Variants in DZIP3 observed in about 807,000 individuals in gnomAD.
DZIP3 encodes E3 ubiquitin-protein ligase DZIP3.
In DZIP3, 118 loss-of-function variants were observed where a neutral mutation model predicts 162.0. The observed-to-expected ratio is 0.73, with a 90% CI of 0.63 to 0.85. DZIP3 has a LOEUF of 0.85. DZIP3 is among the 40% of genes least tolerant of loss of function. The probability of loss-of-function intolerance (pLI) is 0.00; values close to 1 mark genes in which losing one functional copy is unlikely to be tolerated. For missense variants in DZIP3, 1,331 were observed against 1,407.0 expected (o/e 0.95, Z 0.86); for synonymous variants, 438 against 458.6 (o/e 0.96, Z 0.57).
chr3:108,632,373 A>G (rs899091272), intron 8 of DZIP3, among the ~76,000 whole-genome samples: 2 of 152,146 alleles, frequency 1.3e-5, no homozygotes, highest in Non-Finnish European at 1.5e-5. Context: ...CCAAAGCACC[A>G]TGATTACAGG....
chr3:108,686,698 A>G (rs1944512432), intron 28 of DZIP3, 114 bp downstream of exon 28: 12 of 1,255,116 alleles, frequency 9.6e-6, no homozygotes, highest in Admixed American at 2.9e-5. Flanking sequence ...AAAAGTACAG[A>G]TGTTTCCTTA....
intron 7 of DZIP3, among the ~76,000 whole-genome samples, chr3:108,626,574 A>G (rs1294386503): frequency 6.6e-6 from 1 of 152,226 alleles, no homozygotes; most frequent in Non-Finnish European, 1.5e-5. Flanking sequence ...TACTTCCTAT[A>G]TGGAGATCCA....
At chr3:108,617,400 GA>G (rs1329630775) in intron 5 of DZIP3, among the ~76,000 whole-genome samples, 7 of 147,220 alleles carry the variant, frequency 4.8e-5, no homozygotes, top group African/African-American at 1.7e-4. Context: ...ATTTAAAAAA[GA>G]AAAAATATTC....
chr3:108,621,784 G>GT (rs1356186471), intron 5 of DZIP3, among the ~76,000 whole-genome samples: 1 of 152,088 alleles, frequency 6.6e-6, no homozygotes, highest in African/African-American at 2.4e-5. Context: ...GAAAATCAGT[G>GT]TATCAAAGAA....
At chr3:108,659,598 C>G (rs1456702144) in intron 19 of DZIP3, among the ~76,000 whole-genome samples, 2 of 151,866 alleles carry the variant, frequency 1.3e-5, no homozygotes, top group South Asian at 2.1e-4. Context: ...TGCCCTCTCT[C>G]ACCACTCCTA....
chr3:108,609,456 G>C (rs1940575916), intron 3 of DZIP3, among the ~76,000 whole-genome samples: 1 of 152,114 alleles, frequency 6.6e-6, no homozygotes, highest in Non-Finnish European at 1.5e-5. Context: ...AAGGAAGGTG[G>C]ACACTTTGAC....
intron 1 of DZIP3, among the ~76,000 whole-genome samples, chr3:108,601,242 G>A (rs988151554): frequency 2.6e-5 from 4 of 152,100 alleles, no homozygotes; most frequent in African/African-American, 9.7e-5. Context: ...GCCACAATGG[G>A]GCTGAGGTGT....
At chr3:108,663,256 C>T (rs1273547824) in intron 21 of DZIP3, among the ~76,000 whole-genome samples, 4 of 152,138 alleles carry the variant, frequency 2.6e-5, no homozygotes, top group Non-Finnish European at 5.9e-5. Flanking sequence ...GCTGCAATCA[C>T]TTAAGAAACT....
At chr3:108,633,154 T>C in intron 9 of DZIP3, 82 bp downstream of exon 9, 1 of 637,048 alleles carries the variant, frequency 1.6e-6, no homozygotes, top group Non-Finnish European at 2.1e-6. Context: ...AAAAATTATA[T>C]TATGTATAAA....
chr3:108,617,143 G>C (rs1941061923), intron 5 of DZIP3, among the ~76,000 whole-genome samples: 1 of 152,154 alleles, frequency 6.6e-6, no homozygotes, highest in Admixed American at 6.5e-5. Flanking sequence ...TTGGTCAAAA[G>C]ATACAAAATT....
At chr3:108,607,948 G>C (rs1430158336) in intron 2 of DZIP3, 141 bp from the exon 3 acceptor site, 1 of 698,306 alleles carries the variant, frequency 1.4e-6, no homozygotes, top group Non-Finnish European at 2.5e-6. Context: ...AAAGAGATAT[G>C]GCACCTACCA....
chr3:108,644,694 A>G lies in DZIP3; in HGVS notation c.1672A>G (p.Ile558Val), dbSNP rs1942548899. ...AGTGAAGGAGAATCCCATTGAGAAT[A>G]TCTCCCTTGATTACCATCAGCTATC... ...DKVKENPIEN[I>V]SLDYHQLSVY... is the part of the protein sequence containing the mutation. The change falls in exon 14 of 33, where the codon ATC (isoleucine) becomes GTC (valine). Residue 558 changes from isoleucine (I) to valine (V), a missense_variant. Transcript: ENST00000361582. The G allele has an allele frequency of 3.1e-6, 5 of 1,613,424 alleles. No individual in the cohort carries two copies. The highest frequency in any genetic ancestry group is 4.2e-6 in the Non-Finnish European group (5 of 1,179,840).
chr3:108,622,880 C>CTGTG (rs1553703883), intron 5 of DZIP3, among the ~76,000 whole-genome samples: 1,700 of 52,966 alleles, frequency 0.032, 114 homozygotes, highest in African/African-American at 0.063. Context: ...CTCTCTCTCT[C>CTGTG]TGTGTGTGTG....
At chr3:108,607,663 A>G (rs1293816948) in intron 2 of DZIP3, among the ~76,000 whole-genome samples, 2 of 152,166 alleles carry the variant, frequency 1.3e-5, no homozygotes, top group Non-Finnish European at 2.9e-5. Flanking sequence ...AAACTGGACA[A>G]TTGTAAGTTT....
chr3:108,602,580 G>A (rs1459017900), intron 1 of DZIP3, among the ~76,000 whole-genome samples: 2 of 152,200 alleles, frequency 1.3e-5, no homozygotes, highest in African/African-American at 4.8e-5. Flanking sequence ...ACTGCCGACA[G>A]GGAAAGTCTA....
At chr3:108,601,483 T>G (rs1040295632) in intron 1 of DZIP3, among the ~76,000 whole-genome samples, 1 of 152,214 alleles carries the variant, frequency 6.6e-6, no homozygotes, top group African/African-American at 2.4e-5. Context: ...AATATATTAC[T>G]TTGTTTTAAG....
chr3:108,591,521 A>G (rs751110800), intron 1 of DZIP3, among the ~76,000 whole-genome samples: 5 of 152,240 alleles, frequency 3.3e-5, no homozygotes, highest in African/African-American at 9.6e-5. Context: ...CAAATTTTGT[A>G]TTCTCTTCTG....
chr3:108,692,901 TAA>T lies in DZIP3; in HGVS notation c.*7-455_*7-454del, dbSNP rs770861071. ...AAAATAAGTTTTAATATATATTATA[TAA>T]AAAGTTTTAATAAATACCTAATATA... On this transcript the variant is annotated intron_variant, in intron 32 of 32. Coordinates refer to ENST00000361582, the MANE Select transcript of DZIP3 (RefSeq NM_014648.4). 2.6e-4 allele frequency among the ~76,000 whole-genome samples: 38 copies of T among 148,834 alleles called. 1 individual carries two copies. The highest frequency in any genetic ancestry group is 2.5e-3 in the Admixed American group (37 of 14,866).
Position 108,682,687 on chromosome 3 carries a change from G to A in DZIP3, c.2884-1529G>A, listed in dbSNP as rs1030211196. On this transcript the variant is annotated intron_variant, in intron 26 of 32. Coordinates refer to ENST00000361582, the MANE Select transcript of DZIP3 (RefSeq NM_014648.4). ...AATTAGAAAGGAAGGATAAGTTCTG[G>A]CGTTCTATTAGTAAGATGATTATAG... is the stretch of plus-strand genomic sequence containing the variant. Among the ~76,000 whole-genome samples, 9 of 150,742 alleles carry A rather than the reference G, an allele frequency of 6.0e-5. 1 individual carries two copies. Among genetic ancestry groups the A allele is most frequent in the African/African-American group, 2.2e-4 (9 of 40,144 alleles).
Sources: gnomAD v4.1 joint callset for allele counts (sites outside exome capture counted in the v4.1 genomes callset) on GRCh38, gnomAD v4.1.1 for gene constraint, MANE v1.5 for transcripts, NCBI Gene and HGNC (gene_info 2026-07-23, HGNC 2026-07-21) for gene names.